Variants in EPHA6 observed in about 807,000 individuals in gnomAD.
EPHA6 encodes ephrin type-A receptor 6.
A neutral mutation model predicts 112.0 loss-of-function variants in EPHA6; 50 were observed. The observed-to-expected ratio is 0.45, with a 90% confidence interval of 0.36 to 0.56. The LOEUF is 0.56. EPHA6 is among the 20% of genes least tolerant of loss of function. The pLI is 0.00. For missense variants in EPHA6, 1,280 were observed against 1,417.4 expected, an observed-to-expected ratio of 0.90 and a Z score of 1.56; for synonymous variants, 529 against 490.7, an observed-to-expected ratio of 1.08 and a Z score of -1.03.
intron 5 of EPHA6, among the ~76,000 whole-genome samples, chr3:97,303,746 C>T (rs1216743046): frequency 3.3e-5 from 5 of 151,850 alleles, no homozygotes; most frequent in Admixed American, 3.3e-4. Flanking sequence ...ACTGGGGAGC[C>T]ATTTAAAAAA....
intron 5 of EPHA6, among the ~76,000 whole-genome samples, chr3:97,385,009 T>A (rs965496975): frequency 1.3e-5 from 2 of 152,182 alleles, no homozygotes; most frequent in Admixed American, 1.3e-4. Flanking sequence ...AATACCTTCA[T>A]CATGGCTGAT....
intron 2 of EPHA6, among the ~76,000 whole-genome samples, chr3:96,957,180 G>T (rs2041797624): frequency 6.6e-6 from 1 of 152,132 alleles, no homozygotes; most frequent in Admixed American, 6.6e-5. Flanking sequence ...TGTTTACAAG[G>T]AATCATTGAA....
At chr3:96,825,556 T>C (rs774418208) in intron 1 of EPHA6, among the ~76,000 whole-genome samples, 1 of 151,948 alleles carries the variant, frequency 6.6e-6, no homozygotes, top group Non-Finnish European at 1.5e-5. Context: ...TTGTTTTTAG[T>C]AGTATTGCAG....
intron 3 of EPHA6, among the ~76,000 whole-genome samples, chr3:97,054,643 G>A (rs936144221): frequency 2.0e-5 from 3 of 152,012 alleles, no homozygotes; most frequent in Non-Finnish European, 4.4e-5. Flanking sequence ...TTTGCATTTA[G>A]TTTTGAAAAA....
chr3:97,461,035 A>G (rs2090870969), intron 7 of EPHA6, among the ~76,000 whole-genome samples: 1 of 152,194 alleles, frequency 6.6e-6, no homozygotes, highest in Non-Finnish European at 1.5e-5. Context: ...TCACTGCAGT[A>G]TCTGACACAA....
At chr3:97,384,612 C>G (rs1008055192) in intron 5 of EPHA6, among the ~76,000 whole-genome samples, 10 of 152,256 alleles carry the variant, frequency 6.6e-5, no homozygotes, top group East Asian at 3.9e-4. Context: ...AACTCTTGAG[C>G]CTGAGTCAAC....
At chr3:97,404,756 A>C (rs2087224393) in intron 5 of EPHA6, among the ~76,000 whole-genome samples, 1 of 152,170 alleles carries the variant, frequency 6.6e-6, no homozygotes, top group South Asian at 2.1e-4. Context: ...CCTATAAATG[A>C]TCTTGTAATT....
Position 97,757,474 on chromosome 3 carries a change from G to T in EPHA6, c.*8773G>T, listed in dbSNP as rs2036053547. ...GTTTTCCAAGACATATATAATCAAA[G>T]AATTTGCCAAAAAATTCAAATAATA... On this transcript the variant is annotated 3_prime_UTR_variant, in exon 18 of 18. Transcript: ENST00000389672. Among the ~76,000 whole-genome samples, 1 of 151,392 alleles carries T rather than the reference G, an allele frequency of 6.6e-6. No individual in the cohort carries two copies. Among genetic ancestry groups the T allele is most frequent in the African/African-American group, 2.4e-5 (1 of 41,320 alleles).
At chr3:97,635,333 C>T (rs2093936276) in intron 13 of EPHA6, among the ~76,000 whole-genome samples, 1 of 152,010 alleles carries the variant, frequency 6.6e-6, no homozygotes, top group East Asian at 1.9e-4. Flanking sequence ...AGCAGTTAAT[C>T]TAAATCTTCA....
Position 97,000,770 on chromosome 3 carries a change from T to G in EPHA6, c.1114+12777T>G, listed in dbSNP as rs550990212. Reference sequence around the variant, plus strand: ...TACGGTAATCAGGATTTTTCTTTTTTGAACAGTAGGCAGGTAGTAAGCTAA... The same window carrying G: ...TACGGTAATCAGGATTTTTCTTTTTGGAACAGTAGGCAGGTAGTAAGCTAA... On this transcript the variant is annotated intron_variant, in intron 3 of 17. Transcript: ENST00000389672. Among the ~76,000 whole-genome samples the G allele has an allele frequency of 5.5e-4, 83 of 151,650 alleles. 1 individual carries two copies. The highest frequency in any genetic ancestry group is 1.5e-3 in the South Asian group (7 of 4,822).
At chr3:97,626,185 T>C (rs1314573522) in intron 13 of EPHA6, among the ~76,000 whole-genome samples, 1 of 151,856 alleles carries the variant, frequency 6.6e-6, no homozygotes, top group Non-Finnish European at 1.5e-5. Context: ...AAGTTATTAA[T>C]TGTATGCAAT....
intron 14 of EPHA6, among the ~76,000 whole-genome samples, chr3:97,714,517 G>A (rs1271170856): frequency 6.6e-6 from 1 of 152,148 alleles, no homozygotes; most frequent in African/African-American, 2.4e-5. Flanking sequence ...AAGAGGCTGG[G>A]CACATAGTTT....
intron 3 of EPHA6, among the ~76,000 whole-genome samples, chr3:97,206,909 A>G (rs1482816067): frequency 6.6e-6 from 1 of 152,136 alleles, no homozygotes; most frequent in African/African-American, 2.4e-5. Context: ...TTATTTTTAT[A>G]TTAATTCTGT....
At chr3:97,507,498 A>G (rs761996320) in intron 10 of EPHA6, among the ~76,000 whole-genome samples, 4 of 152,216 alleles carry the variant, frequency 2.6e-5, no homozygotes, top group Non-Finnish European at 5.9e-5. Flanking sequence ...CCAGCCTTGC[A>G]TCCCAGGGGT....
At chr3:97,287,530 A>T (rs2080516285) in intron 5 of EPHA6, among the ~76,000 whole-genome samples, 1 of 152,142 alleles carries the variant, frequency 6.6e-6, no homozygotes, top group Non-Finnish European at 1.5e-5. Flanking sequence ...CGTTAACATA[A>T]TAATGGCCTT....
intron 5 of EPHA6, among the ~76,000 whole-genome samples, chr3:97,350,257 C>T (rs780648378): frequency 3.9e-5 from 6 of 152,008 alleles, no homozygotes; most frequent in Admixed American, 2.6e-4. Context: ...TATAAAACAT[C>T]CTAGGCCCTG....
chr3:96,953,463 A>G (rs1257085586), intron 2 of EPHA6, among the ~76,000 whole-genome samples: 1 of 152,208 alleles, frequency 6.6e-6, no homozygotes, highest in Non-Finnish European at 1.5e-5. Context: ...TAGCACAAAA[A>G]TACTCCAATA....
intron 1 of EPHA6, among the ~76,000 whole-genome samples, chr3:96,864,370 A>G (rs956856809): frequency 3.3e-5 from 5 of 152,098 alleles, no homozygotes; most frequent in African/African-American, 1.2e-4. Flanking sequence ...TTTCAGCAAC[A>G]AAAAGGAACA....
chr3:97,612,348 T>C, intron 13 of EPHA6: 1 of 397,078 alleles, frequency 2.5e-6, no homozygotes, highest in South Asian at 1.9e-5. Context: ...TGGTTTTCTT[T>C]TTATTTTCTT....
Sources: allele counts gnomAD v4.1 joint callset (sites outside exome capture counted in the v4.1 genomes callset), GRCh38; gene constraint gnomAD v4.1.1; transcripts MANE v1.5; gene names NCBI Gene and HGNC (gene_info 2026-07-23, HGNC 2026-07-21).